The following PRKCE variants were observed in gnomAD, a reference collection of about 807,000 sequenced individuals.
PRKCE encodes the protein protein kinase C epsilon.
Under a neutral mutation model 85.4 loss-of-function variants are expected in PRKCE, and 16 were observed. The ratio of observed to expected loss-of-function variants is 0.19; its 90% CI spans 0.13 to 0.28. The LOEUF is 0.28. PRKCE is among the 10% of genes least tolerant of loss of function. PRKCE has a pLI of 1.00. For missense variants in PRKCE, 573 were observed against 975.2 expected, an observed-to-expected ratio of 0.59 and a Z score of 5.49; for synonymous variants, 388 against 371.5, an observed-to-expected ratio of 1.04 and a Z score of -0.51.
chr2:45,989,685 C>G (rs1431352811), intron 6 of PRKCE, among the ~76,000 whole-genome samples: 1 of 151,216 alleles, frequency 6.6e-6, no homozygotes, highest in Non-Finnish European at 1.5e-5. Context: ...CTTAAAAACA[C>G]TAAAAACATG....
At chr2:46,117,855 G>C (rs1029164429) in intron 11 of PRKCE, among the ~76,000 whole-genome samples, 1 of 152,082 alleles carries the variant, frequency 6.6e-6, no homozygotes, top group Non-Finnish European at 1.5e-5. Flanking sequence ...CTAGTTGCAG[G>C]GTTGTTGCTA....
intron 11 of PRKCE, among the ~76,000 whole-genome samples, chr2:46,112,720 A>G (rs1369462609): frequency 6.6e-6 from 1 of 151,944 alleles, no homozygotes; most frequent in African/African-American, 2.4e-5. Context: ...GGGTTTCACC[A>G]TGTTGGCCAG....
intron 14 of PRKCE, among the ~76,000 whole-genome samples, chr2:46,181,107 G>A (rs533970981): frequency 1.8e-4 from 28 of 152,298 alleles, no homozygotes; most frequent in Non-Finnish European, 3.4e-4. Context: ...TCTTTAAGTC[G>A]AGTCCAGTGC....
At chr2:45,727,382 A>T (rs1238559367) in intron 1 of PRKCE, among the ~76,000 whole-genome samples, 1 of 152,228 alleles carries the variant, frequency 6.6e-6, no homozygotes, top group Non-Finnish European at 1.5e-5. Context: ...AGTGCACAAA[A>T]GTGGGAGTGG....
intron 1 of PRKCE, among the ~76,000 whole-genome samples, chr2:45,656,842 A>G (rs572728660): frequency 3.2e-4 from 48 of 152,356 alleles, no homozygotes; most frequent in African/African-American, 1.1e-3. Flanking sequence ...TAATTAATGG[A>G]TCAAGCATTT....
chr2:45,896,206 A>G (rs1696129412), intron 2 of PRKCE, among the ~76,000 whole-genome samples: 1 of 152,188 alleles, frequency 6.6e-6, no homozygotes, highest in South Asian at 2.1e-4. Context: ...TGTGGGGTCT[A>G]AGGGAAGAAA....
intron 1 of PRKCE, among the ~76,000 whole-genome samples, chr2:45,770,536 C>T (rs953596537): frequency 3.9e-5 from 6 of 152,176 alleles, no homozygotes; most frequent in African/African-American, 1.2e-4. Flanking sequence ...GTTGGTTGAG[C>T]GTCCTACCTT....
chr2:46,040,771 A>G (rs1708170987), intron 10 of PRKCE, among the ~76,000 whole-genome samples: 1 of 152,258 alleles, frequency 6.6e-6, no homozygotes, highest in African/African-American at 2.4e-5. Flanking sequence ...CAGGACTAGT[A>G]ACAATCTGAG....
intron 10 of PRKCE, among the ~76,000 whole-genome samples, chr2:46,027,131 T>G (rs570814489): frequency 6.6e-6 from 1 of 152,252 alleles, no homozygotes; most frequent in East Asian, 1.9e-4. Context: ...ATCATGCCAC[T>G]GTACTCCAGC....
intron 2 of PRKCE, among the ~76,000 whole-genome samples, chr2:45,974,438 G>T (rs1469935372): frequency 1.3e-5 from 2 of 152,176 alleles, no homozygotes; most frequent in African/African-American, 4.8e-5. Context: ...TGGGCTAGGG[G>T]TCAAGAAGCA....
chr2:45,984,441 C>T (rs1703149031), intron 5 of PRKCE, 110 bp from the exon 6 acceptor site: 3 of 1,484,680 alleles, frequency 2.0e-6, no homozygotes, highest in Admixed American at 1.9e-5. Context: ...GGGCCTGCCA[C>T]CTACAATGAC....
At chr2:46,154,285 G>A (rs530662469) in intron 13 of PRKCE, among the ~76,000 whole-genome samples, 1 of 152,106 alleles carries the variant, frequency 6.6e-6, no homozygotes, top group South Asian at 2.1e-4. Flanking sequence ...CCAGTGAGGA[G>A]GCCTCGGGGG....
chr2:46,164,694 T>A (rs1678150101), intron 14 of PRKCE: 1 of 152,376 alleles, frequency 6.6e-6, no homozygotes, highest in East Asian at 1.9e-4. Flanking sequence ...AGAGCCAGGA[T>A]GCAGTGGCAT....
intron 1 of PRKCE, among the ~76,000 whole-genome samples, chr2:45,817,066 AGTGTGTGTGTGTGTGTGTGTGT>A (rs200785601): frequency 3.8e-4 from 52 of 135,788 alleles, no homozygotes; most frequent in Non-Finnish European, 6.5e-4. Flanking sequence ...CTGTAAGTAG[AGTGTGTGTGTGTGTGTGTGTGT>A]GTGTGTGTGT....
At position 46,154,973 on chromosome 2, in the gene PRKCE, T is replaced by C. The variant is rs940327739; in HGVS notation, c.1920+3744T>C. ...AGTGCCAAGCACATTGTAGGAGCTA[T>C]GTAACTGTTTGATAAAAAACAGAAA... On this transcript the variant is annotated intron_variant, in intron 13 of 14. Transcript: ENST00000306156. Among the ~76,000 whole-genome samples the C allele has an allele frequency of 7.2e-5, 11 of 152,344 alleles. No homozygotes were observed. In the South Asian group the frequency reaches 2.1e-3, roughly 29 times the overall value.
chr2:46,098,326 C>T (rs757855667), intron 11 of PRKCE, among the ~76,000 whole-genome samples: 1 of 151,306 alleles, frequency 6.6e-6, no homozygotes, highest in African/African-American at 2.4e-5. Context: ...TTACTCCCCC[C>T]CCAACCCACA....
intron 2 of PRKCE, among the ~76,000 whole-genome samples, chr2:45,860,580 GGAACAAGAGCTGGTA>G (rs1693074712): frequency 6.6e-6 from 1 of 152,182 alleles, no homozygotes; most frequent in Non-Finnish European, 1.5e-5. Flanking sequence ...TGTTACTATA[GGAACAAGAGCTGGTA>G]GTCTGGGGGA....
At chr2:45,830,731 C>A (rs75425170) in intron 1 of PRKCE, among the ~76,000 whole-genome samples, 265 of 152,260 alleles carry the variant, frequency 1.7e-3, no homozygotes, top group East Asian at 0.01. Flanking sequence ...AACAACGTCA[C>A]CTATTAAACA....
chr2:46,024,978 A>C (rs917270765), intron 10 of PRKCE, among the ~76,000 whole-genome samples: 2 of 152,216 alleles, frequency 1.3e-5, no homozygotes, highest in Non-Finnish European at 2.9e-5. Context: ...CTTCTTAAAG[A>C]TCTAGGAAGT....
Sources: allele counts gnomAD v4.1 joint callset (sites outside exome capture counted in the v4.1 genomes callset), GRCh38; gene constraint gnomAD v4.1.1; transcripts MANE v1.5; gene names NCBI Gene and HGNC (gene_info 2026-07-23, HGNC 2026-07-21).